The following FAM53B variants were observed in gnomAD, a reference collection of about 807,000 sequenced individuals.
FAM53B encodes the protein family with sequence similarity 53 member B.
Under a neutral mutation model 32.7 loss-of-function variants are expected in FAM53B, and 12 were observed. The ratio of observed to expected loss-of-function variants is 0.37; its 90% CI spans 0.24 to 0.59. The LOEUF is 0.59. Ranked by LOEUF, FAM53B falls within the 20% of genes least tolerant of loss-of-function variation. The pLI, the probability that FAM53B is intolerant of heterozygous loss-of-function variation, is 0.72. For missense variants in FAM53B, 477 were observed against 577.7 expected (o/e 0.83, Z 1.79); for synonymous variants, 234 against 228.7 (o/e 1.02, Z -0.21).
At chr10:124,713,086 C>A (rs891002961) in intron 1 of FAM53B, among the ~76,000 whole-genome samples, 1 of 152,192 alleles carries the variant, frequency 6.6e-6, no homozygotes, top group East Asian at 1.9e-4. Context: ...CCCCCATGTG[C>A]CCCACACAGC....
intron 4 of FAM53B, among the ~76,000 whole-genome samples, chr10:124,646,996 C>T (rs537260731): frequency 6.6e-6 from 1 of 152,320 alleles, no homozygotes; most frequent in African/African-American, 2.4e-5. Flanking sequence ...CTTGGCAGAC[C>T]CTGCAGCAGG....
At chr10:124,732,002 T>G (rs77957042) in intron 1 of FAM53B, among the ~76,000 whole-genome samples, 1 of 152,112 alleles carries the variant, frequency 6.6e-6, no homozygotes, top group African/African-American at 2.4e-5. Context: ...TCCTCCTCCA[T>G]GTCTGCCAGG....
At chr10:124,634,315 A>G (rs1949412025) in intron 4 of FAM53B, among the ~76,000 whole-genome samples, 1 of 152,246 alleles carries the variant, frequency 6.6e-6, no homozygotes, top group African/African-American at 2.4e-5. Context: ...AAGGCCACAT[A>G]TTTCATGGAT....
chr10:124,735,996 C>T (rs1410271910), intron 1 of FAM53B, among the ~76,000 whole-genome samples: 1 of 152,252 alleles, frequency 6.6e-6, no homozygotes, highest in Non-Finnish European at 1.5e-5. Flanking sequence ...TGACGCCAAA[C>T]AGTCCCATTC....
At chr10:124,743,682 C>G (rs1283654147) in intron 1 of FAM53B, among the ~76,000 whole-genome samples, 2 of 152,088 alleles carry the variant, frequency 1.3e-5, no homozygotes, top group East Asian at 2.0e-4. Context: ...GCGCAGCAGT[C>G]CCCGCGCCCG....
chr10:124,626,313 C>T (rs535129838), intron 4 of FAM53B, among the ~76,000 whole-genome samples: 64 of 148,052 alleles, frequency 4.3e-4, no homozygotes, highest in Admixed American at 2.0e-3. Flanking sequence ...GCGCAGGTAG[C>T]GGGGGTGCCT....
At chr10:124,641,893 C>T (rs561145570) in intron 4 of FAM53B, among the ~76,000 whole-genome samples, 23 of 152,322 alleles carry the variant, frequency 1.5e-4, no homozygotes, top group African/African-American at 5.1e-4. Flanking sequence ...GCTGGTTCCT[C>T]CAGAACCCCC....
At chr10:124,693,121 C>T (rs7091535) in intron 3 of FAM53B, among the ~76,000 whole-genome samples, 7,883 of 152,100 alleles carry the variant, frequency 0.052, 662 homozygotes, top group African/African-American at 0.18. Context: ...CTGGAAGGGC[C>T]CAAAACCCTC....
rs1949323534 is a variant in FAM53B at position 124,623,287 on chromosome 10, G to A, written c.1224C>T (p.Cys408=). Residue 408 remains cysteine (C), a synonymous_variant, in exon 5 of 5, where the codon TGC becomes TGT. Coordinates refer to ENST00000337318, the MANE Select transcript of FAM53B (RefSeq NM_014661.4). ...RDRGAPGNSL[C]SLDGELDIEQ... ...CAATGTCCAACTCGCCGTCCAGGGA[G>A]CAGAGGCTGTTCCCAGGGGCCCCGC... 6.2e-7 allele frequency: 1 copy of A among 1,611,936 alleles called. No individual in the cohort carries two copies. Among genetic ancestry groups the A allele is most frequent in the Non-Finnish European group, 8.5e-7 (1 of 1,179,488 alleles).
intron 1 of FAM53B, among the ~76,000 whole-genome samples, chr10:124,732,632 G>C (rs1213966361): frequency 6.6e-6 from 1 of 152,190 alleles, no homozygotes; most frequent in South Asian, 2.1e-4. Flanking sequence ...GCCCAGGCGG[G>C]GGCATCACCT....
chr10:124,726,474 G>C (rs1015036740), intron 1 of FAM53B, among the ~76,000 whole-genome samples: 20 of 152,356 alleles, frequency 1.3e-4, no homozygotes, highest in African/African-American at 4.3e-4. Flanking sequence ...CAGTAGGTGA[G>C]AAAGAGGCAG....
chr10:124,626,917 G>A (rs933817445), intron 4 of FAM53B, among the ~76,000 whole-genome samples: 2 of 152,190 alleles, frequency 1.3e-5, no homozygotes, highest in Non-Finnish European at 2.9e-5. Context: ...AGGGCTATCT[G>A]GACTAATTGG....
At chr10:124,654,951 G>A (rs1949578652) in intron 4 of FAM53B, among the ~76,000 whole-genome samples, 1 of 152,216 alleles carries the variant, frequency 6.6e-6, no homozygotes, top group South Asian at 2.1e-4. Context: ...CACAATGATT[G>A]CTTTGCCAAC....
chr10:124,664,235 C>G (rs1307200515), intron 4 of FAM53B, among the ~76,000 whole-genome samples: 1 of 152,112 alleles, frequency 6.6e-6, no homozygotes, highest in African/African-American at 2.4e-5. Flanking sequence ...AGATCAAGCA[C>G]AAGACTTGCC....
chr10:124,666,491 CAT>C (rs1405497941), intron 4 of FAM53B, among the ~76,000 whole-genome samples: 1 of 152,180 alleles, frequency 6.6e-6, no homozygotes, highest in African/African-American at 2.4e-5. Flanking sequence ...GAGCAGGGGA[CAT>C]GTGGGGACAA....
chr10:124,683,005 C>T (rs188155306), intron 3 of FAM53B, among the ~76,000 whole-genome samples: 23 of 152,364 alleles, frequency 1.5e-4, no homozygotes, highest in Admixed American at 1.4e-3. Context: ...TCAACATCAG[C>T]GTCACCAATG....
chr10:124,669,294 C>A (rs988097640), intron 4 of FAM53B, among the ~76,000 whole-genome samples: 1 of 152,206 alleles, frequency 6.6e-6, no homozygotes, highest in Non-Finnish European at 1.5e-5. Flanking sequence ...CCTTCTCCCT[C>A]GTGTCCCGGA....
At chr10:124,648,018 G>A (rs1949530464) in intron 4 of FAM53B, among the ~76,000 whole-genome samples, 1 of 152,206 alleles carries the variant, frequency 6.6e-6, no homozygotes, top group Non-Finnish European at 1.5e-5. Flanking sequence ...CACTGGGGAC[G>A]CCATGGGGCT....
chr10:124,643,549 G>C (rs996828921), intron 4 of FAM53B, among the ~76,000 whole-genome samples: 1 of 152,174 alleles, frequency 6.6e-6, no homozygotes, highest in Non-Finnish European at 1.5e-5. Flanking sequence ...GAGGGCCAGC[G>C]GGGGGGTGCA....
Sources: allele counts gnomAD v4.1 joint callset (sites outside exome capture counted in the v4.1 genomes callset), GRCh38; gene constraint gnomAD v4.1.1; transcripts MANE v1.5; gene names NCBI Gene and HGNC (gene_info 2026-07-23, HGNC 2026-07-21).